MED27: variants seen among roughly 807,000 people sequenced by gnomAD.
MED27 encodes mediator complex subunit 27.
MED27 carries 30 observed loss-of-function variants against 38.2 expected under a neutral mutation model. The observed-to-expected ratio is 0.79, with a 90% CI of 0.59 to 1.07. The LOEUF is 1.07. MED27 is among the 50% of genes least tolerant of loss of function. The pLI is 0.00. For missense variants in MED27, 289 were observed against 397.5 expected (o/e 0.73, Z 2.32); for synonymous variants, 122 against 153.5 (o/e 0.79, Z 1.52).
At chr9:131,865,486 G>A (rs1345314691) in intron 6 of MED27, among the ~76,000 whole-genome samples, 1 of 152,046 alleles carries the variant, frequency 6.6e-6, no homozygotes, top group Non-Finnish European at 1.5e-5. Flanking sequence ...GATGTTTTTT[G>A]CAATTATACT....
chr9:131,903,204 G>A lies in MED27; in HGVS notation c.574-9212C>T, dbSNP rs1397938486. Among the ~76,000 whole-genome samples the A allele has an allele frequency of 3.3e-5, 5 of 152,234 alleles. No individual in the cohort carries two copies. In the East Asian group the frequency reaches 7.7e-4, roughly 23 times the overall value. On this transcript the variant is annotated intron_variant, in intron 4 of 7. Transcript: ENST00000292035. ...GCTAGGGAGGCCTCACAATCATGGC[G>A]GAAGGCAAGGAGGCGCAAGTCACAT... is the stretch of plus-strand genomic sequence containing the variant.
chr9:131,966,326 G>T (rs114123618), intron 3 of MED27, among the ~76,000 whole-genome samples: 2,149 of 133,592 alleles, frequency 0.016, 63 homozygotes, highest in African/African-American at 0.057. Flanking sequence ...GAGGGCTGCA[G>T]TAAGCCATAA....
At chr9:131,908,143 C>CCG (rs1554755654) in intron 4 of MED27, among the ~76,000 whole-genome samples, 1 of 146,952 alleles carries the variant, frequency 6.8e-6, no homozygotes, top group Non-Finnish European at 1.5e-5. Flanking sequence ...GTCAGCCCCC[C>CCG]GCTCGGCCAG....
intron 6 of MED27, chr9:131,869,334 A>G (rs1838788650): frequency 2.0e-6 from 2 of 985,152 alleles, no homozygotes; most frequent in African/African-American, 1.7e-5. Flanking sequence ...TACATTTTTC[A>G]ACAACAAAGT....
rs79887925 is a variant in MED27 at position 132,028,657 on chromosome 9, T to C, written c.349-14190A>G. 2.9e-3 allele frequency among the ~76,000 whole-genome samples: 444 copies of C among 152,222 alleles called. 4 individuals are homozygous for C. Among genetic ancestry groups the C allele is most frequent in the African/African-American group, 9.8e-3 (407 of 41,540 alleles). On this transcript the variant is annotated intron_variant, in intron 2 of 7. Transcript: ENST00000292035. ...TCTTTGGACTTCATGTAGTAGACAATTGGGGGAGAGGTGTCATTGGAGATA... is the reference window on the plus strand; with the variant it reads ...TCTTTGGACTTCATGTAGTAGACAACTGGGGGAGAGGTGTCATTGGAGATA...
rs1050389104 is a variant in MED27, at chr9:131,913,089, A to G, written c.574-19097T>C. On this transcript the variant is annotated intron_variant, in intron 4 of 7. Coordinates refer to ENST00000292035, the MANE Select transcript of MED27 (RefSeq NM_004269.4). The surrounding 1 kb of genome is among the most constrained non-coding windows in gnomAD (Gnocchi z 4.5). The stretch of plus-strand genomic sequence containing the variant: ...CGCTTGTGTGAAGGAAGAAAATAGA[A>G]CTGGGAAAGTCAGAAGTATTTTCAG... Among the ~76,000 whole-genome samples, 1 of 152,244 alleles carries G rather than the reference A, an allele frequency of 6.6e-6. No individual in the cohort carries two copies. The highest frequency in any genetic ancestry group is 2.4e-5 in the African/African-American group (1 of 41,468).
At chr9:132,002,061 A>G (rs1374353872) in intron 3 of MED27, among the ~76,000 whole-genome samples, 3 of 152,200 alleles carry the variant, frequency 2.0e-5, no homozygotes, top group Non-Finnish European at 4.4e-5. Context: ...TTGGCAGCCC[A>G]TTATAGTCTA....
intron 6 of MED27, among the ~76,000 whole-genome samples, chr9:131,866,894 C>T (rs1308493838): frequency 6.6e-6 from 1 of 152,180 alleles, no homozygotes; most frequent in African/African-American, 2.4e-5. Flanking sequence ...CTCCTTTCCT[C>T]GGGTCCCTCA....
chr9:131,968,939 T>C lies in MED27; in HGVS notation c.480-29465A>G, dbSNP rs186256888. On this transcript the variant is annotated intron_variant, in intron 3 of 7. Transcript: ENST00000292035. ...GATTGTGAACTGCGCATGCGAGGGA[T>C]CTAGCTTGCACGCTCCTTATGAGAA... Among the ~76,000 whole-genome samples, 5 of 152,254 alleles carry C rather than the reference T, an allele frequency of 3.3e-5. No individual in the cohort carries two copies. The East Asian group carries it at 9.6e-4, about 29-fold the overall frequency.
chr9:131,871,865 CT>C (rs1255321497), intron 6 of MED27, among the ~76,000 whole-genome samples: 3 of 152,182 alleles, frequency 2.0e-5, no homozygotes, highest in African/African-American at 7.2e-5. Flanking sequence ...TCCGAATTTT[CT>C]GAATACTTTC....
intron 3 of MED27, among the ~76,000 whole-genome samples, chr9:132,004,572 G>A (rs948984122): frequency 6.6e-5 from 10 of 152,062 alleles, no homozygotes; most frequent in African/African-American, 2.4e-4. Flanking sequence ...CTGGCTCTGG[G>A]GCCCTGCTCG....
intron 4 of MED27, among the ~76,000 whole-genome samples, chr9:131,908,154 C>G (rs1405782397): frequency 6.7e-6 from 1 of 149,086 alleles, no homozygotes; most frequent in African/African-American, 2.5e-5. Flanking sequence ...GCTCGGCCAG[C>G]CGCCCCGTCC....
In MED27 at chr9:132,051,533, T is replaced by C. The variant is rs896175946; in HGVS notation, c.348+25909A>G. Among the ~76,000 whole-genome samples, 1 of 152,172 alleles carries C rather than the reference T, an allele frequency of 6.6e-6. No homozygotes were observed. The highest frequency in any genetic ancestry group is 2.4e-5 in the African/African-American group (1 of 41,448). On this transcript the variant is annotated intron_variant, in intron 2 of 7. Transcript: ENST00000292035. The surrounding 1 kb of genome is among the most constrained non-coding windows in gnomAD (Gnocchi z 4.2). ...GCTAGACATAAAGACTGTGGAAATATGCACAGTGAAGGAAAAAAGGGTTAG... is the reference window on the plus strand; with the variant it reads ...GCTAGACATAAAGACTGTGGAAATACGCACAGTGAAGGAAAAAAGGGTTAG...
chr9:132,075,433 A>T (rs1834024890), intron 2 of MED27, among the ~76,000 whole-genome samples: 1 of 152,206 alleles, frequency 6.6e-6, no homozygotes. Context: ...CACATTGCTC[A>T]TATGAGATTT....
chr9:131,991,216 AG>A (rs1831965992), intron 3 of MED27, among the ~76,000 whole-genome samples: 1 of 152,234 alleles, frequency 6.6e-6, no homozygotes, highest in Non-Finnish European at 1.5e-5. Flanking sequence ...AAGTGCCATC[AG>A]GGACCTAAAT....
At chr9:132,067,505 C>T (rs180717563) in intron 2 of MED27, among the ~76,000 whole-genome samples, 1 of 152,070 alleles carries the variant, frequency 6.6e-6, no homozygotes, top group African/African-American at 2.4e-5. Context: ...GATGATGGCC[C>T]CTTGGGGAAC....
intron 3 of MED27, among the ~76,000 whole-genome samples, chr9:131,981,752 C>A (rs964910122): frequency 2.0e-5 from 3 of 152,354 alleles, no homozygotes; most frequent in Admixed American, 6.5e-5. Flanking sequence ...ACTGCTACCC[C>A]AAGCCAGCAA....
At chr9:131,904,330 C>A (rs995277670) in intron 4 of MED27, among the ~76,000 whole-genome samples, 6 of 152,050 alleles carry the variant, frequency 3.9e-5, no homozygotes, top group East Asian at 3.9e-4. Context: ...TGAGCCACTG[C>A]GGCCAGTCTG....
intron 2 of MED27, among the ~76,000 whole-genome samples, chr9:132,071,435 G>A (rs1833933791): frequency 6.7e-6 from 1 of 148,880 alleles, no homozygotes; most frequent in Non-Finnish European, 1.5e-5. Context: ...AATAACAGGT[G>A]CCTCATAAAT....
Sources: allele counts gnomAD v4.1 joint callset (sites outside exome capture counted in the v4.1 genomes callset), GRCh38; gene constraint gnomAD v4.1.1; non-coding constraint Gnocchi (gnomAD v3.1); transcripts MANE v1.5; gene names NCBI Gene and HGNC (gene_info 2026-07-23, HGNC 2026-07-21).